Variants in TRIM44 observed in about 807,000 individuals in gnomAD.
TRIM44 encodes the protein tripartite motif-containing protein 44.
TRIM44 carries 13 observed loss-of-function variants against 37.4 expected under a neutral mutation model. The observed-to-expected ratio is 0.35, with a 90% CI of 0.23 to 0.55. The LOEUF is 0.55. Ranked by LOEUF, TRIM44 falls within the 20% of genes least tolerant of loss-of-function variation. The pLI is 0.89. For synonymous variants in TRIM44, 175 were observed against 157.2 expected (o/e 1.11, Z -0.85); for missense variants, 426 against 437.2 (o/e 0.97, Z 0.23).
At chr11:35,741,109 G>C (rs1391063727) in intron 4 of TRIM44, among the ~76,000 whole-genome samples, 5 of 152,102 alleles carry the variant, frequency 3.3e-5, no homozygotes. Context: ...AGTCTATCTG[G>C]AAGCTGAAGA....
chr11:35,670,281 C>G (rs78504796), intron 1 of TRIM44, among the ~76,000 whole-genome samples: 4,068 of 152,302 alleles, frequency 0.027, 81 homozygotes, highest in Non-Finnish European at 0.039. Context: ...CTCTGCTTAT[C>G]CTAATGTTAG....
intron 4 of TRIM44, among the ~76,000 whole-genome samples, chr11:35,737,101 A>C (rs1302757259): frequency 6.6e-6 from 1 of 152,180 alleles, no homozygotes; most frequent in African/African-American, 2.4e-5. Flanking sequence ...GAGGCTTACC[A>C]GAAAAGGTTA....
intron 2 of TRIM44, among the ~76,000 whole-genome samples, chr11:35,692,914 T>G (rs908423644): frequency 6.6e-6 from 1 of 150,540 alleles, no homozygotes; most frequent in African/African-American, 2.4e-5. Context: ...CAGAGCAAGA[T>G]TCCGTCTCAA....
rs11286693 is a variant in TRIM44, at chr11:35,708,982, G to GC, written c.748-16932dup. Among the ~76,000 whole-genome samples, 667 of 148,114 alleles carry GC rather than the reference G, an allele frequency of 4.5e-3. 2 individuals are homozygous for GC. Among genetic ancestry groups the GC allele is most frequent in the Non-Finnish European group, 6.7e-3 (448 of 66,690 alleles). On this transcript the variant is annotated intron_variant, in intron 2 of 4. Transcript: ENST00000299413. ...AATAAACATGCACTGATGTTGCCAT[G>GC]CCCCCCCCCCAAAAAAAAAGAACTT...
intron 1 of TRIM44, among the ~76,000 whole-genome samples, chr11:35,670,553 G>C (rs192575390): frequency 6.6e-6 from 1 of 152,236 alleles, no homozygotes; most frequent in South Asian, 2.1e-4. Context: ...TTTACACTTA[G>C]TACGTCTTGG....
At chr11:35,802,996 A>G (rs985747210) in intron 4 of TRIM44, among the ~76,000 whole-genome samples, 3 of 152,188 alleles carry the variant, frequency 2.0e-5, no homozygotes, top group Non-Finnish European at 2.9e-5. Context: ...GATAAGAAGG[A>G]AGGTGGGTTG....
At chr11:35,802,935 A>G (rs1394459298) in intron 4 of TRIM44, among the ~76,000 whole-genome samples, 1 of 152,232 alleles carries the variant, frequency 6.6e-6, no homozygotes, top group Non-Finnish European at 1.5e-5. Flanking sequence ...TTCAGCTGCC[A>G]GAGCTAGGAA....
chr11:35,680,255 G>T lies in TRIM44; in HGVS notation c.670-5004G>T, dbSNP rs545659661. Among the ~76,000 whole-genome samples the T allele has an allele frequency of 1.4e-3, 213 of 152,044 alleles. 1 individual carries two copies. Among genetic ancestry groups the T allele is most frequent in the African/African-American group, 4.9e-3 (204 of 41,500 alleles). ...CCTGCCTTACTGCCTGCCTTTTTTT[G>T]TTTGTTTGTTTTTTAGTATGCTAAA... On this transcript the variant is annotated intron_variant, in intron 1 of 4. Coordinates refer to ENST00000299413, the MANE Select transcript of TRIM44 (RefSeq NM_017583.6).
At chr11:35,744,073 CA>C (rs1196912656) in intron 4 of TRIM44, among the ~76,000 whole-genome samples, 4 of 152,178 alleles carry the variant, frequency 2.6e-5, no homozygotes, top group African/African-American at 9.6e-5. Flanking sequence ...AACCACATGA[CA>C]AAATAGGTTG....
At chr11:35,780,426 C>T (rs1052341623) in intron 4 of TRIM44, among the ~76,000 whole-genome samples, 23 of 152,340 alleles carry the variant, frequency 1.5e-4, no homozygotes, top group Middle Eastern at 3.4e-3. Flanking sequence ...TTGAGATTAT[C>T]TCCCTGAAGA....
intron 1 of TRIM44, among the ~76,000 whole-genome samples, chr11:35,670,101 G>T (rs549924565): frequency 4.6e-5 from 7 of 152,310 alleles, no homozygotes; most frequent in Middle Eastern, 3.4e-3. Context: ...GGGATTACAG[G>T]TGTGAGCCAC....
chr11:35,731,215 TG>T (rs1852254757), intron 3 of TRIM44, among the ~76,000 whole-genome samples: 1 of 152,244 alleles, frequency 6.6e-6, no homozygotes, highest in South Asian at 2.1e-4. Context: ...TTAAGTATGA[TG>T]TTTTTTGTAG....
chr11:35,804,819 T>C (rs1853427491), intron 4 of TRIM44, among the ~76,000 whole-genome samples: 1 of 152,130 alleles, frequency 6.6e-6, no homozygotes, highest in African/African-American at 2.4e-5. Context: ...TGGTGAAGAT[T>C]ATTGAGTTGG....
intron 3 of TRIM44, among the ~76,000 whole-genome samples, chr11:35,732,115 A>G (rs767601400): frequency 2.0e-5 from 3 of 152,206 alleles, no homozygotes; most frequent in Non-Finnish European, 2.9e-5. Context: ...ATTCATCTTT[A>G]TTAAATTCTG....
intron 4 of TRIM44, among the ~76,000 whole-genome samples, chr11:35,760,299 G>A (rs1204519543): frequency 6.6e-6 from 1 of 152,218 alleles, no homozygotes; most frequent in East Asian, 1.9e-4. Context: ...AGCCAGGCAT[G>A]GGATATAAAA....
At chr11:35,717,417 G>A (rs1333851026) in intron 2 of TRIM44, among the ~76,000 whole-genome samples, 3 of 152,006 alleles carry the variant, frequency 2.0e-5, no homozygotes, top group South Asian at 2.1e-4. Flanking sequence ...GGTGTCAAAG[G>A]TAGAAGTCAG....
chr11:35,720,166 C>T (rs1185754647), intron 2 of TRIM44, among the ~76,000 whole-genome samples: 1 of 152,162 alleles, frequency 6.6e-6, no homozygotes, highest in Non-Finnish European at 1.5e-5. Flanking sequence ...TTTTTCTCAA[C>T]ATGGAATGTC....
intron 4 of TRIM44, among the ~76,000 whole-genome samples, chr11:35,754,715 G>T (rs995306698): frequency 2.1e-5 from 3 of 142,928 alleles, no homozygotes; most frequent in Non-Finnish European, 4.5e-5. Flanking sequence ...CCATGAGTTC[G>T]CATTGTTCAA....
At chr11:35,685,373 C>A in intron 2 of TRIM44, 37 bp downstream of exon 2, 1 of 1,558,066 alleles carries the variant, frequency 6.4e-7, no homozygotes. Flanking sequence ...TGTTGGTACC[C>A]CAAGCATTTC....
Sources: allele counts gnomAD v4.1 joint callset (sites outside exome capture counted in the v4.1 genomes callset), GRCh38; gene constraint gnomAD v4.1.1; transcripts MANE v1.5; gene names NCBI Gene and HGNC (gene_info 2026-07-23, HGNC 2026-07-21).